Variants in BLMH observed in about 807,000 individuals in gnomAD.
The protein encoded by BLMH is BLM hydrolase.
In BLMH, 32 loss-of-function variants were observed where a neutral mutation model predicts 61.6. The ratio of observed to expected loss-of-function variants is 0.52; its 90% confidence interval spans 0.39 to 0.70. BLMH has a LOEUF of 0.70. BLMH is among the 30% of genes least tolerant of loss of function. The pLI, the probability that BLMH is intolerant of heterozygous loss-of-function variation, is 0.00. For synonymous variants in BLMH, 183 were observed against 193.8 expected (o/e 0.94, Z 0.46); for missense variants, 460 against 555.5 (o/e 0.83, Z 1.73).
intron 6 of BLMH, among the ~76,000 whole-genome samples, chr17:30,278,257 C>A (rs1361968191): frequency 6.6e-6 from 1 of 152,118 alleles, no homozygotes; most frequent in Non-Finnish European, 1.5e-5. Context: ...TGGAGTGTCA[C>A]CTGCTTCTCA....
intron 1 of BLMH, 42 bp from the exon 2 acceptor site, chr17:30,291,550 G>T (rs772940124): frequency 1.2e-6 from 2 of 1,604,376 alleles, no homozygotes; most frequent in East Asian, 4.5e-5. Context: ...AAAAGAGGGG[G>T]AAAGGGCTGA....
At chr17:30,258,354 C>T (rs984525054) in intron 11 of BLMH, among the ~76,000 whole-genome samples, 1 of 152,044 alleles carries the variant, frequency 6.6e-6, no homozygotes, top group East Asian at 1.9e-4. Context: ...GTGGTGAGGA[C>T]ACATTTACAT....
intron 11 of BLMH, among the ~76,000 whole-genome samples, chr17:30,254,358 A>G (rs1273297544): frequency 2.0e-5 from 3 of 152,222 alleles, no homozygotes; most frequent in African/African-American, 7.2e-5. Context: ...CCTGGCAGCT[A>G]TAACTCAAGG....
chr17:30,288,919 A>G (rs1908807406), intron 3 of BLMH, among the ~76,000 whole-genome samples: 1 of 152,168 alleles, frequency 6.6e-6, no homozygotes, highest in Non-Finnish European at 1.5e-5. Flanking sequence ...GTGAGCCGAG[A>G]CTGTGCCACA....
chr17:30,288,036 T>C, intron 3 of BLMH, 89 bp from the exon 4 acceptor site: 1 of 1,285,524 alleles, frequency 7.8e-7, no homozygotes, highest in Non-Finnish European at 1.1e-6. Flanking sequence ...GTCTTGGAAT[T>C]ACCATGGAAT....
At chr17:30,271,702 T>A (rs988340165) in intron 9 of BLMH, among the ~76,000 whole-genome samples, 2 of 152,222 alleles carry the variant, frequency 1.3e-5, no homozygotes, top group Non-Finnish European at 2.9e-5. Context: ...AAAAAGCGTT[T>A]GAAGTAACTT....
At chr17:30,273,988 G>A (rs751486628) in intron 7 of BLMH, 54 bp downstream of exon 7, 2 of 1,596,844 alleles carry the variant, frequency 1.3e-6, no homozygotes, top group East Asian at 2.2e-5. Context: ...ATTCCCTGTG[G>A]TTAACAGCCA....
At chr17:30,285,355 G>T in intron 6 of BLMH, 33 bp downstream of exon 6, 1 of 1,461,696 alleles carries the variant, frequency 6.8e-7, no homozygotes, top group Non-Finnish European at 9.5e-7. Context: ...GTTCCTTAGA[G>T]GGGTCACAAA....
At position 30,291,298 on chromosome 17, in the gene BLMH, T is replaced by G. The variant is rs1908878382; in HGVS notation, c.211+13A>C. 6.2e-7 allele frequency: 1 copy of G among 1,604,924 alleles called. No individual in the cohort carries two copies. The highest frequency in any genetic ancestry group is 1.3e-5 in the African/African-American group (1 of 74,914). On this transcript the variant is annotated intron_variant, in intron 2 of 11. Transcript: ENST00000261714. ...AAGGTCAAGGAACGTATGGGAGAAG[T>G]GGAAGCCCACACCTGAGCTCTTCTG...
At chr17:30,286,583 G>C (rs943328985) in intron 5 of BLMH, among the ~76,000 whole-genome samples, 1 of 152,060 alleles carries the variant, frequency 6.6e-6, no homozygotes, top group African/African-American at 2.4e-5. Context: ...ATCCCCCTAA[G>C]AAAACATTAA....
At chr17:30,276,601 T>C (rs776921447) in intron 6 of BLMH, among the ~76,000 whole-genome samples, 2 of 152,230 alleles carry the variant, frequency 1.3e-5, no homozygotes, top group Non-Finnish European at 2.9e-5. Context: ...CAGGAGAATT[T>C]GAAAAGCACT....
intron 11 of BLMH, among the ~76,000 whole-genome samples, chr17:30,257,681 A>G (rs1168735897): frequency 2.0e-5 from 3 of 152,254 alleles, no homozygotes; most frequent in Non-Finnish European, 4.4e-5. Flanking sequence ...ACACTTCACA[A>G]TGCAATTTCA....
intron 11 of BLMH, among the ~76,000 whole-genome samples, chr17:30,262,934 C>G (rs1908003012): frequency 6.6e-6 from 1 of 152,182 alleles, no homozygotes; most frequent in Non-Finnish European, 1.5e-5. Context: ...ATGTGACAAA[C>G]CCTCACAGAA....
At chr17:30,283,904 G>T (rs191951764) in intron 6 of BLMH, among the ~76,000 whole-genome samples, 1 of 152,272 alleles carries the variant, frequency 6.6e-6, no homozygotes, top group East Asian at 1.9e-4. Flanking sequence ...AGCAAGAAGG[G>T]AAGAAGTAAC....
chr17:30,272,443 C>T lies in BLMH; in HGVS notation c.1028+118G>A, dbSNP rs1374585672. The T allele has an allele frequency of 1.6e-5, 18 of 1,099,250 alleles. No homozygotes were observed. In the Middle Eastern group the frequency reaches 8.1e-4, roughly 49 times the overall value. 68.1% of individuals were successfully genotyped at this position (1,099,250 alleles called of 1,614,324 possible). A position where few individuals can be genotyped will look rare whatever the true frequency, so the allele number is the denominator to read the frequency against. The stretch of plus-strand genomic sequence containing the variant: ...TCTAAAGGATGCAAAGAAAGAGACG[C>T]GCCCTTAGGTCAACCTTCATCTTTG... On this transcript the variant is annotated intron_variant, in intron 9 of 11. Coordinates refer to ENST00000261714, the MANE Select transcript of BLMH (RefSeq NM_000386.4).
chr17:30,266,535 A>AG (rs112700130), intron 11 of BLMH, among the ~76,000 whole-genome samples: 207 of 149,998 alleles, frequency 1.4e-3, no homozygotes, highest in African/African-American at 5.0e-3. Flanking sequence ...AAAAAAAAAA[A>AG]AAAGAAAAAA....
chr17:30,262,056 A>G (rs1202884678), intron 11 of BLMH, among the ~76,000 whole-genome samples: 1 of 152,242 alleles, frequency 6.6e-6, no homozygotes, highest in Non-Finnish European at 1.5e-5. Context: ...TGGAAAACTC[A>G]TCTTGGTTCA....
chr17:30,286,249 A>G (rs1428843460), intron 5 of BLMH, among the ~76,000 whole-genome samples: 2 of 152,262 alleles, frequency 1.3e-5, no homozygotes, highest in Non-Finnish European at 2.9e-5. Flanking sequence ...CTAGCAAAGC[A>G]GCATCCCCGT....
At chr17:30,271,224 T>C in intron 10 of BLMH, 47 bp downstream of exon 10, 1 of 1,317,368 alleles carries the variant, frequency 7.6e-7, no homozygotes, top group Non-Finnish European at 1.1e-6. Flanking sequence ...CAGGAGAATG[T>C]AGATCCATCT....
Sources: gnomAD v4.1 joint callset for allele counts (sites outside exome capture counted in the v4.1 genomes callset) on GRCh38, gnomAD v4.1.1 for gene constraint, MANE v1.5 for transcripts, NCBI Gene and HGNC (gene_info 2026-07-23, HGNC 2026-07-21) for gene names.